The following SEZ6L variants were observed in gnomAD, a reference collection of about 807,000 sequenced individuals.
The protein encoded by SEZ6L is seizure 6-like protein.
A neutral mutation model predicts 106.2 loss-of-function variants in SEZ6L; 37 were observed. That is an observed-to-expected ratio of 0.35 (90% CI 0.27 to 0.46). The LOEUF is 0.46. Ranked by LOEUF, SEZ6L falls within the 20% of genes least tolerant of loss-of-function variation. The pLI, the probability that SEZ6L is intolerant of heterozygous loss-of-function variation, is 1.00. For synonymous variants in SEZ6L, 541 were observed against 570.4 expected (o/e 0.95, Z 0.73); for missense variants, 1,172 against 1,332.8 (o/e 0.88, Z 1.88).
At chr22:26,369,203 A>T (rs1304925154) in intron 13 of SEZ6L, among the ~76,000 whole-genome samples, 2 of 151,868 alleles carry the variant, frequency 1.3e-5, no homozygotes, top group Non-Finnish European at 2.9e-5. Flanking sequence ...GGACCCAGGG[A>T]CCAGTTTAAC....
chr22:26,348,043 G>A, intron 11 of SEZ6L, 130 bp downstream of exon 11: 1 of 682,138 alleles, frequency 1.5e-6, no homozygotes, highest in Non-Finnish European at 2.3e-6. Context: ...CAATTCACGA[G>A]CATTGCTCAC....
chr22:26,370,179 G>GT (rs1453507170), intron 13 of SEZ6L, among the ~76,000 whole-genome samples: 1 of 152,018 alleles, frequency 6.6e-6, no homozygotes, highest in African/African-American at 2.4e-5. Context: ...TCAGGAGTTC[G>GT]AGACCATCCT....
intron 3 of SEZ6L, 34 bp from the exon 4 acceptor site, chr22:26,296,854 G>C: frequency 1.3e-6 from 2 of 1,515,316 alleles, no homozygotes; most frequent in African/African-American, 2.8e-5. Flanking sequence ...ACACAACTCA[G>C]AGTTCCTCTC....
chr22:26,324,101 CAA>C lies in SEZ6L; in HGVS notation c.2015+10201_2015+10202del, dbSNP rs56051138. On this transcript the variant is annotated intron_variant, in intron 9 of 16. Transcript: ENST00000248933. ...ACACACACACACACACACACACACA[CAA>C]ACACACACACACACACAAACGGTAG... Among the ~76,000 whole-genome samples, 574 of 139,644 alleles carry C rather than the reference CAA, an allele frequency of 4.1e-3. 2 individuals are homozygous for C. The highest frequency in any genetic ancestry group is 5.6e-3 in the Non-Finnish European group (352 of 62,340). The allele number at this position is 139,644 out of a possible 152,430, so 91.6% of individuals were successfully genotyped here. A position where few individuals can be genotyped will look rare whatever the true frequency, so the allele number is the denominator to read the frequency against.
intron 4 of SEZ6L, 72 bp downstream of exon 4, chr22:26,297,152 AC>A (rs2081327304): frequency 2.3e-6 from 3 of 1,327,242 alleles, no homozygotes; most frequent in African/African-American, 1.5e-5. Flanking sequence ...GGATTTTAAA[AC>A]TTTTTGTGCC....
chr22:26,207,723 T>C (rs1217629871), intron 1 of SEZ6L, among the ~76,000 whole-genome samples: 2 of 152,184 alleles, frequency 1.3e-5, no homozygotes, highest in African/African-American at 2.4e-5. Flanking sequence ...AATTACATTA[T>C]ATATCCTTAA....
chr22:26,315,586 C>T (rs1019767806), intron 9 of SEZ6L, among the ~76,000 whole-genome samples: 5 of 151,780 alleles, frequency 3.3e-5, no homozygotes, highest in African/African-American at 1.2e-4. Flanking sequence ...GGGGCCAGGC[C>T]AATCTAAGAA....
intron 1 of SEZ6L, among the ~76,000 whole-genome samples, chr22:26,213,019 A>C (rs1341601933): frequency 6.6e-6 from 1 of 152,202 alleles, no homozygotes; most frequent in Non-Finnish European, 1.5e-5. Context: ...ACCAAAGCCC[A>C]GTGCTAGATA....
At chr22:26,216,791 A>G (rs1336671397) in intron 1 of SEZ6L, among the ~76,000 whole-genome samples, 6 of 152,250 alleles carry the variant, frequency 3.9e-5, no homozygotes, top group Admixed American at 3.9e-4. Context: ...ATCAGACATC[A>G]TGCTATTAAT....
intron 1 of SEZ6L, among the ~76,000 whole-genome samples, chr22:26,222,018 C>T (rs2078490853): frequency 6.6e-6 from 1 of 152,290 alleles, no homozygotes; most frequent in African/African-American, 2.4e-5. Flanking sequence ...GTCAAGGTAT[C>T]AATAGAAGAG....
At chr22:26,198,061 A>G (rs543864748) in intron 1 of SEZ6L, among the ~76,000 whole-genome samples, 1 of 152,312 alleles carries the variant, frequency 6.6e-6, no homozygotes, top group South Asian at 2.1e-4. Flanking sequence ...CTACTGGTCT[A>G]CCTAGGGTTT....
rs370549095 is a variant in SEZ6L at position 26,336,162 on chromosome 22, C to T, written c.2016-4274C>T. On this transcript the variant is annotated intron_variant, in intron 9 of 16. Transcript: ENST00000248933. Reference sequence around the variant, plus strand: ...TGACTTCCTACTGCAAGGCCCTTCCCACTTCTCCAGCATTTCTCTGATGCC... The same window carrying T: ...TGACTTCCTACTGCAAGGCCCTTCCTACTTCTCCAGCATTTCTCTGATGCC... Among the ~76,000 whole-genome samples, 17 of 152,300 alleles carry T rather than the reference C, an allele frequency of 1.1e-4. No individual in the cohort carries two copies. In the South Asian group the frequency reaches 1.7e-3, roughly 15 times the overall value.
intron 1 of SEZ6L, among the ~76,000 whole-genome samples, chr22:26,279,620 C>T (rs1436312377): frequency 6.6e-6 from 1 of 152,210 alleles, no homozygotes. Context: ...CAGGCCGTAG[C>T]AGTTTCCATC....
intron 2 of SEZ6L, among the ~76,000 whole-genome samples, chr22:26,293,812 T>A (rs1297846928): frequency 1.3e-5 from 2 of 152,264 alleles, no homozygotes; most frequent in Non-Finnish European, 2.9e-5. Context: ...ATGTATTTTC[T>A]AGACTTGATA....
chr22:26,239,664 C>T (rs1044591971), intron 1 of SEZ6L, among the ~76,000 whole-genome samples: 1 of 152,164 alleles, frequency 6.6e-6, no homozygotes, highest in Non-Finnish European at 1.5e-5. Flanking sequence ...CCTGCTACCT[C>T]TTCCTCAGAT....
At chr22:26,234,027 C>T (rs1425604624) in intron 1 of SEZ6L, among the ~76,000 whole-genome samples, 2 of 152,208 alleles carry the variant, frequency 1.3e-5, no homozygotes, top group African/African-American at 4.8e-5. Context: ...GTAGTCAGTT[C>T]ACATGGGGTT....
chr22:26,345,608 A>AT (rs765887968), intron 10 of SEZ6L, among the ~76,000 whole-genome samples: 6 of 152,008 alleles, frequency 3.9e-5, no homozygotes, highest in Admixed American at 1.3e-4. Context: ...TCTCGAAGCT[A>AT]TTTTTTTACC....
chr22:26,272,772 T>G (rs2080410707), intron 1 of SEZ6L, among the ~76,000 whole-genome samples: 1 of 152,220 alleles, frequency 6.6e-6, no homozygotes, highest in Admixed American at 6.5e-5. Flanking sequence ...AAATAATGTA[T>G]TTAGAATGCT....
chr22:26,365,311 G>A, intron 12 of SEZ6L, 61 bp from the exon 13 acceptor site: 1 of 1,485,242 alleles, frequency 6.7e-7, no homozygotes, highest in Non-Finnish European at 9.3e-7. Flanking sequence ...CACGGGTTCT[G>A]AGCAGGACTC....
Sources: allele counts gnomAD v4.1 joint callset (sites outside exome capture counted in the v4.1 genomes callset), GRCh38; gene constraint gnomAD v4.1.1; transcripts MANE v1.5; gene names NCBI Gene and HGNC (gene_info 2026-07-23, HGNC 2026-07-21).